GPI: variants seen among roughly 807,000 people sequenced by gnomAD.
GPI encodes the protein glucose-6-phosphate isomerase.
Under a neutral mutation model 75.8 loss-of-function variants are expected in GPI, and 56 were observed. The ratio of observed to expected loss-of-function variants is 0.74; its 90% CI spans 0.60 to 0.92. The LOEUF (loss-of-function observed/expected upper bound fraction) is 0.92. Among genes scored for constraint, GPI ranks in the 40% least tolerant of loss-of-function variants. GPI has a pLI of 0.00. For synonymous variants in GPI, 288 were observed against 285.4 expected (o/e 1.01, Z -0.09); for missense variants, 638 against 741.0 (o/e 0.86, Z 1.61).
At chr19:34,384,357 G>C (rs949053398) in intron 9 of GPI, among the ~76,000 whole-genome samples, 1 of 152,200 alleles carries the variant, frequency 6.6e-6, no homozygotes, top group Non-Finnish European at 1.5e-5. Flanking sequence ...TGAGACACAG[G>C]TATGTATTTT....
At position 34,399,249 on chromosome 19, in the gene GPI, A is replaced by T. The variant is rs753561909; in HGVS notation, c.1312A>T (p.Arg438Trp). The T allele has an allele frequency of 6.2e-7, 1 of 1,613,828 alleles. No homozygotes were observed. Among genetic ancestry groups the T allele is most frequent in the Non-Finnish European group, 8.5e-7 (1 of 1,179,960 alleles). The change falls in exon 15 of 18, where the codon AGG becomes TGG. Residue 438 changes from arginine (R) to tryptophan (W), a missense_variant. Transcript: ENST00000356487. ...CTTGGCCCAGACAGAGGCCCTGATG[A>T]GGGGAAAATCGACGGAGGAGGCCCG... ...NFLAQTEALMRGKSTEEARKE... is the reference protein window; with the variant it reads ...NFLAQTEALMWGKSTEEARKE...
In GPI at chr19:34,401,745, C is replaced by A. The variant is rs2075025479; in HGVS notation, c.*1709C>A. On this transcript the variant is annotated 3_prime_UTR_variant, in exon 18 of 18. Transcript: ENST00000356487. ...CCTCAAATTCCCAGGCTAAGGTGAT[C>A]TTCTCACCTCAGCCTTCCAAGTAGC... The A allele has an allele frequency of 6.6e-6, 1 of 152,140 alleles. No individual in the cohort carries two copies. Among genetic ancestry groups the A allele is most frequent in the African/African-American group, 2.4e-5 (1 of 41,434 alleles). The allele number at this position is 152,140 out of a possible 1,614,324, so 9.4% of individuals were successfully genotyped here. A position where few individuals can be genotyped will look rare whatever the true frequency, so the allele number is the denominator to read the frequency against.
intron 15 of GPI, 57 bp downstream of exon 15, chr19:34,399,392 A>G (rs1017970413): frequency 3.7e-6 from 6 of 1,611,704 alleles, no homozygotes; most frequent in Non-Finnish European, 5.1e-6. Flanking sequence ...GTGTGAAGCT[A>G]TGGCACCAGG....
chr19:34,381,583 A>T, intron 9 of GPI, 64 bp downstream of exon 9: 1 of 1,058,428 alleles, frequency 9.4e-7, no homozygotes, highest in South Asian at 1.3e-5. Context: ...GGCTGTTGAG[A>T]GGCCCATGAG....
At position 34,366,854 on chromosome 19, in the gene GPI, G is replaced by A; in HGVS notation, c.282+3G>A. On this transcript the variant is annotated splice_donor_region_variant and intron_variant, in intron 3 of 17. Coordinates refer to ENST00000356487, the MANE Select transcript of GPI (RefSeq NM_000175.5). ...GTGAGAAGATCAACTACACCGAGGT[G>A]AGCAGGCCCCACATACCCTCTGGGG... 1 of 1,608,954 alleles carries A rather than the reference G, an allele frequency of 6.2e-7. No individual in the cohort carries two copies. The highest frequency in any genetic ancestry group is 2.2e-5 in the East Asian group (1 of 44,828).
At chr19:34,367,602 C>T (rs1460709695) in intron 3 of GPI, among the ~76,000 whole-genome samples, 2 of 152,250 alleles carry the variant, frequency 1.3e-5, no homozygotes, top group Admixed American at 6.5e-5. Flanking sequence ...CTCACTGGGT[C>T]GGAATCCCAA....
Position 34,391,140 on chromosome 19 carries a change from G to A in GPI, c.805-2108G>A, listed in dbSNP as rs2074821499. 2.7e-5 allele frequency among the ~76,000 whole-genome samples: 4 copies of A among 150,284 alleles called. No individual in the cohort carries two copies. The South Asian group carries it at 6.4e-4, about 24-fold the overall frequency. On this transcript the variant is annotated intron_variant, in intron 9 of 17. Coordinates refer to ENST00000356487, the MANE Select transcript of GPI (RefSeq NM_000175.5). The stretch of plus-strand genomic sequence containing the variant: ...GGCCCTTGGGCTTCCAGTGCCTGAG[G>A]AGATAGCATCTGGCACAGGTATGAA...
chr19:34,377,174 C>T (rs1178846856), intron 4 of GPI, among the ~76,000 whole-genome samples: 5 of 147,578 alleles, frequency 3.4e-5, no homozygotes, highest in African/African-American at 7.5e-5. Flanking sequence ...TGGTGGCGGG[C>T]GCCTGTAGTC....
chr19:34,379,852 TA>T, intron 8 of GPI: 1 of 564,060 alleles, frequency 1.8e-6, no homozygotes, highest in Non-Finnish European at 3.2e-6. Flanking sequence ...ATGACCTTCC[TA>T]GGCCTTTGTG....
chr19:34,398,869 A>T (rs1258142894), intron 14 of GPI: 2 of 210,690 alleles, frequency 9.5e-6, no homozygotes, highest in South Asian at 7.1e-5. Flanking sequence ...GCCCAGCTAA[A>T]TTTTTTTTTG....
Position 34,377,901 on chromosome 19 carries a change from C to G in GPI, c.633+20C>G. 6.2e-7 allele frequency: 1 copy of G among 1,613,646 alleles called. No homozygotes were observed. The highest frequency in any genetic ancestry group is 8.5e-7 in the Non-Finnish European group (1 of 1,179,618). ...TCCAAGGTATGAGTGCCGAAAACTG[C>G]CCGGCCCCTGGCCCTGTGTGTGTTG... On this transcript the variant is annotated intron_variant, in intron 6 of 17. Transcript: ENST00000356487.
At chr19:34,361,373 T>G (rs1390657609), upstream of GPI, among the ~76,000 whole-genome samples, 5 of 152,120 alleles carry the variant, frequency 3.3e-5, no homozygotes, top group African/African-American at 1.2e-4. Flanking sequence ...ATTACAGGCG[T>G]GAGCCACCGT....
chr19:34,381,508 G>A lies in GPI; in HGVS notation c.793G>A (p.Glu265Lys), dbSNP rs754577336. Residue 265 changes from glutamate (E) to lysine (K), a missense_variant, in exon 9 of 18, where the codon GAG becomes AAG. By Grantham distance (56) the Glu-to-Lys change is moderately conservative. Transcript: ENST00000356487. The part of the protein sequence containing the change: ...EFGIDPQNMF[E>K]FWDWVGGRYS... ...TGGAATTGACCCTCAAAACATGTTC[G>A]AGTTCTGGGATGTAAGTACAAGCAC... 6.2e-6 allele frequency: 10 copies of A among 1,605,960 alleles called. No homozygotes were observed. The highest frequency in any genetic ancestry group is 2.2e-5 in the East Asian group (1 of 44,844).
chr19:34,364,156 T>G (rs1025408314), upstream of GPI, among the ~76,000 whole-genome samples: 11 of 151,872 alleles, frequency 7.2e-5, no homozygotes, highest in African/African-American at 2.7e-4. Flanking sequence ...CCCGAGTAGC[T>G]GGGACTCTGC....
chr19:34,384,242 C>G (rs954695352), intron 9 of GPI, among the ~76,000 whole-genome samples: 1 of 152,086 alleles, frequency 6.6e-6, no homozygotes, highest in Non-Finnish European at 1.5e-5. Context: ...GGGATGGGGT[C>G]AGACAAAGGG....
In GPI at chr19:34,379,010, G is replaced by A. The variant is rs1285712665; in HGVS notation, c.705+5G>A. On this transcript the variant is annotated splice_donor_5th_base_variant and intron_variant, in intron 7 of 17. Transcript: ENST00000356487. ...TTTCTCCAGGCGGCCAAGGATGTGAGTGGGCTATAGGGCCTTCCTCGTGGT... is the reference window on the plus strand; with the variant it reads ...TTTCTCCAGGCGGCCAAGGATGTGAATGGGCTATAGGGCCTTCCTCGTGGT... 2 of 1,612,808 alleles carry A rather than the reference G, an allele frequency of 1.2e-6. No homozygotes were observed. The highest frequency in any genetic ancestry group is 2.2e-5 in the South Asian group (2 of 91,074).
At chr19:34,381,409 C>A in intron 8 of GPI, 57 bp from the exon 9 acceptor site, 1 of 1,178,784 alleles carries the variant, frequency 8.5e-7, no homozygotes, top group Non-Finnish European at 1.3e-6. Context: ...GCTCCTGTTC[C>A]CATCCCGCTA....
In GPI at chr19:34,400,974, C is replaced by T. The variant is rs983189279; in HGVS notation, c.*938C>T. 3 of 210,364 alleles carry T rather than the reference C, an allele frequency of 1.4e-5. No homozygotes were observed. The highest frequency in any genetic ancestry group is 2.3e-5 in the African/African-American group (1 of 43,520). The allele number at this position is 210,364 out of a possible 1,614,324, so 13.0% of individuals were successfully genotyped here. On this transcript the variant is annotated 3_prime_UTR_variant, in exon 18 of 18. Coordinates refer to ENST00000356487, the MANE Select transcript of GPI (RefSeq NM_000175.5). ...CTCCTGACCTCAGGTGATCTGCCCGCCTCAGCCTCCCACAGTGCTGGGATT... is the reference window on the plus strand; with the variant it reads ...CTCCTGACCTCAGGTGATCTGCCCGTCTCAGCCTCCCACAGTGCTGGGATT...
chr19:34,382,066 T>C (rs1438938777), intron 9 of GPI, among the ~76,000 whole-genome samples: 1 of 152,172 alleles, frequency 6.6e-6, no homozygotes, highest in Non-Finnish European at 1.5e-5. Context: ...GGACCACCTC[T>C]GCTGGAGCCG....
Sources: allele counts gnomAD v4.1 joint callset (sites outside exome capture counted in the v4.1 genomes callset), GRCh38; gene constraint gnomAD v4.1.1; transcripts MANE v1.5; gene names NCBI Gene and HGNC (gene_info 2026-07-23, HGNC 2026-07-21).